The following KLC1 variants were observed in gnomAD, a reference collection of about 807,000 sequenced individuals.
KLC1 encodes kinesin light chain 1, also known as kinesin 2 60/70kDa.
Under a neutral mutation model 84.2 loss-of-function variants are expected in KLC1, and 30 were observed. That is an observed-to-expected ratio of 0.36 (90% CI 0.27 to 0.48). KLC1 has a LOEUF of 0.48. KLC1 is among the 20% of genes least tolerant of loss of function. The pLI, the probability that KLC1 is intolerant of heterozygous loss-of-function variation, is 0.99. For missense variants in KLC1, 499 were observed against 805.4 expected (o/e 0.62, Z 4.60); for synonymous variants, 289 against 293.3 (o/e 0.99, Z 0.15).
intron 1 of KLC1, among the ~76,000 whole-genome samples, chr14:103,634,988 C>T (rs972278365): frequency 1.3e-5 from 2 of 152,106 alleles, no homozygotes; most frequent in Non-Finnish European, 2.9e-5. Flanking sequence ...TCTGTAGCCT[C>T]CTAGTTAGTA....
chr14:103,681,046 T>C (rs2081303069), intron 13 of KLC1, among the ~76,000 whole-genome samples: 1 of 152,188 alleles, frequency 6.6e-6, no homozygotes, highest in South Asian at 2.1e-4. Flanking sequence ...GTGTCGCTGC[T>C]GGGGATGAAA....
intron 15 of KLC1, chr14:103,699,160 T>G: frequency 1.3e-6 from 2 of 1,569,494 alleles, no homozygotes; most frequent in Non-Finnish European, 1.7e-6. Context: ...TGCGCCCTGC[T>G]CCTCCATGGC....
intron 1 of KLC1, among the ~76,000 whole-genome samples, chr14:103,646,239 C>T (rs970203131): frequency 6.6e-6 from 1 of 152,112 alleles, no homozygotes; most frequent in African/African-American, 2.4e-5. Flanking sequence ...ATTAGTGTGA[C>T]AGAGTAAGTA....
intron 15 of KLC1, chr14:103,696,540 C>T (rs1236120455): frequency 6.7e-5 from 66 of 985,324 alleles, no homozygotes; most frequent in Non-Finnish European, 7.8e-5. Flanking sequence ...ATGTCATTAG[C>T]TTCTGTTTGC....
At chr14:103,684,974 T>C (rs951896777) in intron 13 of KLC1, 2 of 961,248 alleles carry the variant, frequency 2.1e-6, no homozygotes, top group Non-Finnish European at 3.3e-6. Context: ...GTGTTATTTT[T>C]CCATTTTAAA....
intron 1 of KLC1, among the ~76,000 whole-genome samples, chr14:103,653,291 G>A (rs1004532071): frequency 2.1e-4 from 32 of 152,232 alleles, no homozygotes; most frequent in Non-Finnish European, 1.2e-4. Context: ...AGGAATACCT[G>A]CACATACCAC....
Position 103,679,472 on chromosome 14 carries a change from A to C in KLC1, c.1577A>C (p.Asn526Thr). The stretch of plus-strand genomic sequence containing the variant: ...AAGCGCAGGAGCCGTGAGAGCCTCA[A>C]CGTGGACGTGGTCAAGTACGAGAGT... ...MEKRRSRESL[N>T]VDVVKYESGP... The change falls in exon 13 of 17, where the codon AAC (asparagine) becomes ACC (threonine). Residue 526 changes from asparagine to threonine, a missense_variant. Asn to Thr is a moderately conservative substitution (Grantham distance 65, BLOSUM62 0). Around this residue, in one of 3 missense-constraint regions of KLC1, gnomAD observed 167 missense variants for 208.8 expected, o/e 0.80. Transcript: ENST00000334553. The C allele has an allele frequency of 1.2e-6, 2 of 1,614,132 alleles. No individual in the cohort carries two copies. Among genetic ancestry groups the C allele is most frequent in the Non-Finnish European group, 1.7e-6 (2 of 1,180,012 alleles).
At chr14:103,644,424 A>G (rs2077741572) in intron 1 of KLC1, among the ~76,000 whole-genome samples, 1 of 151,734 alleles carries the variant, frequency 6.6e-6, no homozygotes, top group African/African-American at 2.4e-5. Context: ...ACACCCGGCT[A>G]ATTTTTTTGT....
intron 13 of KLC1, chr14:103,685,257 A>T (rs2081692014): frequency 7.2e-7 from 1 of 1,389,320 alleles, no homozygotes; most frequent in South Asian, 1.7e-5. Context: ...AATGAAAGTC[A>T]TACCTGTAGC....
At position 103,692,432 on chromosome 14, in the gene KLC1, A is replaced by C; in HGVS notation, c.1848+7A>C. The C allele has an allele frequency of 6.5e-7, 1 of 1,536,448 alleles. No individual in the cohort carries two copies. Among genetic ancestry groups the C allele is most frequent in the Non-Finnish European group, 8.7e-7 (1 of 1,146,892 alleles). On this transcript the variant is annotated splice_region_variant and intron_variant, in intron 15 of 16. Transcript: ENST00000334553. ...TGCTGAAGATCGCTTTCAAGTAAGG[A>C]GCCTACCCCGAATTGTGTCCTAGGC...
At chr14:103,690,657 C>T (rs1211310432) in intron 14 of KLC1, among the ~76,000 whole-genome samples, 1 of 152,184 alleles carries the variant, frequency 6.6e-6, no homozygotes, top group Non-Finnish European at 1.5e-5. Context: ...ATGCAGTTCA[C>T]GTTCAGAATT....
intron 1 of KLC1, among the ~76,000 whole-genome samples, chr14:103,633,683 C>T (rs1475188718): frequency 6.6e-6 from 1 of 152,068 alleles, no homozygotes; most frequent in African/African-American, 2.4e-5. Context: ...GCACCCCACC[C>T]TGTCTCTTTT....
chr14:103,667,166 C>T (rs985531613), intron 5 of KLC1, among the ~76,000 whole-genome samples: 2 of 151,980 alleles, frequency 1.3e-5, no homozygotes, highest in African/African-American at 2.4e-5. Context: ...GGCTGGAGTG[C>T]AATGGCACAA....
At chr14:103,672,964 T>C in intron 7 of KLC1, 50 bp from the exon 8 acceptor site, 1 of 1,528,786 alleles carries the variant, frequency 6.5e-7, no homozygotes, top group Non-Finnish European at 9.0e-7. Context: ...GGAGAATGGA[T>C]TGGATGGAAG....
At chr14:103,670,420 C>T in intron 7 of KLC1, 137 bp downstream of exon 7, 2 of 546,086 alleles carry the variant, frequency 3.7e-6, no homozygotes, top group Non-Finnish European at 6.5e-6. Flanking sequence ...CACTGCAACC[C>T]CCACCTCCAT....
chr14:103,693,179 C>T lies in KLC1; in HGVS notation c.1848+754C>T, dbSNP rs558887919. On this transcript the variant is annotated intron_variant, in intron 15 of 16. Transcript: ENST00000334553. This position sits in a 1 kb window ranked among gnomAD's most constrained non-coding sequence, Gnocchi z 5.1. ...CTGCCCTCCCAGTTGTCCAGATCCACTAATCCTCACAGACAGGCCAGTGCC... is the reference window on the plus strand; with the variant it reads ...CTGCCCTCCCAGTTGTCCAGATCCATTAATCCTCACAGACAGGCCAGTGCC... Among the ~76,000 whole-genome samples, 1 of 152,258 alleles carries T rather than the reference C, an allele frequency of 6.6e-6. No homozygotes were observed. Among genetic ancestry groups the T allele is most frequent in the East Asian group, 1.9e-4 (1 of 5,170 alleles).
intron 2 of KLC1, among the ~76,000 whole-genome samples, chr14:103,655,457 C>G (rs552861032): frequency 4.8e-4 from 73 of 151,508 alleles, no homozygotes; most frequent in African/African-American, 1.7e-3. Flanking sequence ...CATGGGCCAC[C>G]ACACCTGGCT....
chr14:103,692,211 C>T, intron 14 of KLC1, 148 bp from the exon 15 acceptor site: 1 of 650,244 alleles, frequency 1.5e-6, no homozygotes, highest in East Asian at 2.7e-5. Flanking sequence ...AGACATAGGA[C>T]TCCCCGGTTA....
chr14:103,653,257 C>G (rs529230756), intron 1 of KLC1, among the ~76,000 whole-genome samples: 1 of 152,222 alleles, frequency 6.6e-6, no homozygotes, highest in Non-Finnish European at 1.5e-5. Context: ...GATCCTTGTG[C>G]CTCACTGAGC....
Sources: gnomAD v4.1 joint callset for allele counts (sites outside exome capture counted in the v4.1 genomes callset) on GRCh38, gnomAD v4.1.1 for gene constraint, gnomAD v4.1.1 regional missense constraint, Gnocchi (gnomAD v3.1) non-coding constraint, MANE v1.5 for transcripts, NCBI Gene and HGNC (gene_info 2026-07-23, HGNC 2026-07-21) for gene names.